The following CD40LG variants were observed in gnomAD, a reference collection of about 807,000 sequenced individuals.
CD40LG encodes CD40 ligand, also known as CD40 antigen ligand.
In CD40LG, 1 loss-of-function variant was observed where a neutral mutation model predicts 17.2. The ratio of observed to expected loss-of-function variants is 0.06; its 90% CI spans 0.02 to 0.28. The LOEUF (loss-of-function observed/expected upper bound fraction) is 0.28, where lower values mean the gene tolerates loss of function less well. Ranked by LOEUF, CD40LG falls within the 10% of genes least tolerant of loss-of-function variation. The pLI is 1.00. For synonymous variants in CD40LG, 66 were observed against 74.4 expected (o/e 0.89, Z 0.58); for missense variants, 133 against 193.2 (o/e 0.69, Z 1.85).
chrX:136,651,623 GTTTC>G (rs897385368), intron 2 of CD40LG, among the ~76,000 whole-genome samples: 4 of 111,706 alleles, frequency 3.6e-5, no homozygotes, highest in Non-Finnish European at 7.5e-5. Flanking sequence ...AATGATTTGA[GTTTC>G]TTCGGTTCTT....
intron 4 of CD40LG, 116 bp downstream of exon 4, chrX:136,656,534 C>T: frequency 1.7e-6 from 1 of 596,523 alleles, no homozygotes; most frequent in Non-Finnish European, 2.9e-6. Context: ...TACAAACCTA[C>T]CCCTACACTT....
Position 136,659,230 on chromosome X carries a change from T to A in CD40LG, c.601T>A (p.Phe201Ile). The A allele has an allele frequency of 8.3e-7, 1 of 1,211,310 alleles. No individual in the cohort carries two copies. The change falls in exon 5 of 5, where the codon TTC becomes ATC. Residue 201 changes from phenylalanine to isoleucine, a missense_variant. Phe to Ile is a conservative substitution (Grantham distance 21, BLOSUM62 0). Transcript: ENST00000370629. Reference sequence around the variant, plus strand: ...CCTCTGCCTAAAGTCCCCCGGTAGATTCGAGAGAATCTTACTCAGAGCTGC... The same window carrying A: ...CCTCTGCCTAAAGTCCCCCGGTAGAATCGAGAGAATCTTACTCAGAGCTGC... Reference protein sequence around the residue: ...ASLCLKSPGRFERILLRAANT... With the variant: ...ASLCLKSPGRIERILLRAANT...
intron 2 of CD40LG, among the ~76,000 whole-genome samples, chrX:136,650,857 C>T (rs1013945027): frequency 1.2e-4 from 13 of 111,560 alleles, no homozygotes; most frequent in African/African-American, 4.2e-4. Context: ...GTCTCTGGTG[C>T]TTCTCTGATG....
rs2076097930 is a variant in CD40LG, at chrX:136,649,423, C to CA, written c.157-839dup. On this transcript the variant is annotated intron_variant, in intron 1 of 4. Transcript: ENST00000370629. ...TCCAAATATTAGGTTTCACTGCTGA[C>CA]AAAAGAGGGGGCTTCTGGTCTGGTT... Among the ~76,000 whole-genome samples, 3 of 112,319 alleles carry CA rather than the reference C, an allele frequency of 2.7e-5. No homozygotes were observed. The Admixed American group carries it at 2.8e-4, about 11-fold the overall frequency.
chrX:136,657,266 C>T, intron 4 of CD40LG, among the ~76,000 whole-genome samples: 1 of 111,814 alleles, frequency 8.9e-6, no homozygotes, highest in South Asian at 3.8e-4. Context: ...ACTGCTTCAT[C>T]TCTGAAGTGG....
chrX:136,650,549 A>C, intron 2 of CD40LG, 152 bp downstream of exon 2: 1 of 490,964 alleles, frequency 2.0e-6, no homozygotes, highest in Non-Finnish European at 3.6e-6. Flanking sequence ...ATATACACAC[A>C]TACATGGGTG....
At chrX:136,650,573 TAA>T (rs80103261) in intron 2 of CD40LG, among the ~76,000 whole-genome samples, 176 bp downstream of exon 2, 1 of 100,029 alleles carries the variant, frequency 1.0e-5, no homozygotes, top group Non-Finnish European at 2.0e-5. Context: ...GTGTGGGGGT[TAA>T]AAAAAAAAAA....
intron 4 of CD40LG, among the ~76,000 whole-genome samples, chrX:136,658,838 C>T (rs891171411): frequency 9.0e-6 from 1 of 111,684 alleles, no homozygotes; most frequent in Non-Finnish European, 1.9e-5. Context: ...AACTGAAGCT[C>T]ATGGAGATTT....
chrX:136,658,942 T>C (rs1775338638), intron 4 of CD40LG, 97 bp from the exon 5 acceptor site: 10 of 974,438 alleles, frequency 1.0e-5, no homozygotes, highest in African/African-American at 1.9e-5. Context: ...TCCATCCCTA[T>C]ACAAAGCCAA....
intron 2 of CD40LG, among the ~76,000 whole-genome samples, chrX:136,651,616 G>C (rs1225649834): frequency 8.9e-6 from 1 of 111,878 alleles, no homozygotes; most frequent in African/African-American, 3.3e-5. Context: ...CTAGGAAAAT[G>C]ATTTGAGTTT....
chrX:136,653,075 A>G (rs986165079), intron 2 of CD40LG, among the ~76,000 whole-genome samples: 1 of 112,320 alleles, frequency 8.9e-6, no homozygotes, highest in Non-Finnish European at 1.9e-5. Context: ...CACCAATGCA[A>G]CAACTTAGCC....
At chrX:136,652,539 T>A (rs755683629) in intron 2 of CD40LG, among the ~76,000 whole-genome samples, 1 of 110,985 alleles carries the variant, frequency 9.0e-6, no homozygotes, top group East Asian at 2.8e-4. Flanking sequence ...AATCCACAAC[T>A]TCAGTCTTCT....
chrX:136,651,093 T>G, intron 2 of CD40LG, among the ~76,000 whole-genome samples: 1 of 111,973 alleles, frequency 8.9e-6, no homozygotes, highest in East Asian at 2.8e-4. Context: ...CTGCAGTGAC[T>G]GTGGCTTATA....
intron 2 of CD40LG, among the ~76,000 whole-genome samples, chrX:136,651,942 CG>C (rs2076104915): frequency 9.0e-6 from 1 of 111,267 alleles, no homozygotes; most frequent in Non-Finnish European, 1.9e-5. Flanking sequence ...GAGACTTTTA[CG>C]GTTGAATTGT....
chrX:136,659,016 A>G (rs746989056), intron 4 of CD40LG, 23 bp from the exon 5 acceptor site: 1 of 1,208,187 alleles, frequency 8.3e-7, no homozygotes, highest in South Asian at 1.8e-5. Flanking sequence ...CCTCACCACA[A>G]ACTTTCCCTT....
chrX:136,659,483 A>G lies in CD40LG; in HGVS notation c.*68A>G. 1 of 1,094,678 alleles carries G rather than the reference A, an allele frequency of 9.1e-7. No homozygotes were observed. The highest frequency in any genetic ancestry group is 1.9e-5 in the South Asian group (1 of 53,944). 90.2% of individuals were successfully genotyped at this position (1,094,678 alleles called of 1,213,427 possible). On this transcript the variant is annotated 3_prime_UTR_variant, in exon 5 of 5. Coordinates refer to ENST00000370629, the MANE Select transcript of CD40LG (RefSeq NM_000074.3). ...TCTTCATAATACAGCACAGCGGTTA[A>G]GCCCACCCCCTGTTAACTGCCTATT...
intron 1 of CD40LG, among the ~76,000 whole-genome samples, chrX:136,649,034 T>C (rs1281247580): frequency 8.9e-6 from 1 of 112,386 alleles, no homozygotes; most frequent in African/African-American, 3.2e-5. Context: ...TTTACATTTT[T>C]AAATGGTTAG....
chrX:136,651,721 A>C (rs2148551494), intron 2 of CD40LG, among the ~76,000 whole-genome samples: 1 of 112,472 alleles, frequency 8.9e-6, no homozygotes, highest in Non-Finnish European at 1.9e-5. Context: ...ACAATGGCTA[A>C]TAATCCAAAT....
At chrX:136,656,952 T>C (rs1176260851) in intron 4 of CD40LG, among the ~76,000 whole-genome samples, 1 of 112,540 alleles carries the variant, frequency 8.9e-6, no homozygotes, top group Non-Finnish European at 1.9e-5. Context: ...TTGTGATCTT[T>C]TCAACTCTGA....
Sources: gnomAD v4.1 joint callset for allele counts (sites outside exome capture counted in the v4.1 genomes callset) on GRCh38, gnomAD v4.1.1 for gene constraint, MANE v1.5 for transcripts, NCBI Gene and HGNC (gene_info 2026-07-23, HGNC 2026-07-21) for gene names.